The following COL21A1 variants were observed in gnomAD, a reference collection of about 807,000 sequenced individuals.
COL21A1 encodes the protein collagen type XXI alpha 1 chain, also known as collagen alpha-1(XXI) chain.
In COL21A1, 149 loss-of-function variants were observed where a neutral mutation model predicts 137.9. The ratio of observed to expected loss-of-function variants is 1.08; its 90% CI spans 0.95 to 1.24. COL21A1 has a LOEUF of 1.24. Among genes scored for constraint, COL21A1 ranks in the 50% most tolerant of loss-of-function variants. COL21A1 has a pLI of 0.00. For synonymous variants in COL21A1, 456 were observed against 391.5 expected (o/e 1.16, Z -1.95); for missense variants, 1,167 against 1,158.4 (o/e 1.01, Z -0.11).
intron 1 of COL21A1, among the ~76,000 whole-genome samples, chr6:56,228,209 T>C (rs946765155): frequency 1.3e-5 from 2 of 151,898 alleles, no homozygotes; most frequent in African/African-American, 4.8e-5. Flanking sequence ...AAACATATTC[T>C]TGTTCACATT....
Position 56,180,073 on chromosome 6 carries a change from C to G in COL21A1, c.145G>C (p.Gly49Arg). The stretch of plus-strand genomic sequence containing the variant: ...TTCACTATTTCAAAGTTTTCTGGGC[C>G]AACACTATAAGAGCCATCTAAGATG... Reference protein sequence around the residue: ...VFILDGSYSVGPENFEIVKKW... With the variant: ...VFILDGSYSVRPENFEIVKKW... The change falls in exon 3 of 30, where the codon GGC becomes CGC. Residue 49 changes from glycine to arginine, a missense_variant. Transcript: ENST00000244728. 6.2e-7 allele frequency: 1 copy of G among 1,613,594 alleles called. No homozygotes were observed. The highest frequency in any genetic ancestry group is 1.6e-4 in the Middle Eastern group (1 of 6,062).
intron 3 of COL21A1, among the ~76,000 whole-genome samples, chr6:56,176,635 G>A: frequency 6.7e-6 from 1 of 149,848 alleles, no homozygotes; most frequent in South Asian, 2.1e-4. Context: ...AAAAGAGGGA[G>A]GGGGGGAAGG....
chr6:56,089,939 A>G (rs1768635389), intron 17 of COL21A1, among the ~76,000 whole-genome samples: 1 of 152,212 alleles, frequency 6.6e-6, no homozygotes, highest in African/African-American at 2.4e-5. Flanking sequence ...TCTTACAATA[A>G]CAATAATTTA....
intron 1 of COL21A1, among the ~76,000 whole-genome samples, chr6:56,226,477 AT>A (rs1671430110): frequency 6.6e-6 from 1 of 152,052 alleles, no homozygotes; most frequent in African/African-American, 2.4e-5. Context: ...TTATATCAAT[AT>A]AAAATAAACC....
intron 1 of COL21A1, among the ~76,000 whole-genome samples, chr6:56,380,471 C>T (rs1399738297): frequency 6.6e-6 from 1 of 152,160 alleles, no homozygotes; most frequent in Non-Finnish European, 1.5e-5. Flanking sequence ...AATTGATCCT[C>T]ATTATTCATG....
intron 1 of COL21A1, among the ~76,000 whole-genome samples, chr6:56,243,729 A>T (rs1368807813): frequency 6.6e-6 from 1 of 152,190 alleles, no homozygotes; most frequent in Non-Finnish European, 1.5e-5. Context: ...AGCAAAAGTG[A>T]TTATGTAACT....
chr6:56,334,225 G>A (rs1489118264), intron 1 of COL21A1, among the ~76,000 whole-genome samples: 1 of 152,088 alleles, frequency 6.6e-6, no homozygotes, highest in Non-Finnish European at 1.5e-5. Flanking sequence ...GAAACATGGT[G>A]TCAAAGTAGG....
chr6:56,094,713 G>C (rs1248965640), intron 17 of COL21A1, among the ~76,000 whole-genome samples: 1 of 152,180 alleles, frequency 6.6e-6, no homozygotes, highest in East Asian at 1.9e-4. Context: ...TTGTTGCAAA[G>C]TATTGGTTTA....
chr6:56,340,880 C>A (rs938981272), intron 1 of COL21A1, among the ~76,000 whole-genome samples: 7 of 152,176 alleles, frequency 4.6e-5, no homozygotes, highest in African/African-American at 1.4e-4. Flanking sequence ...TGTTCTCTGT[C>A]AGCCCAAGGT....
chr6:56,214,998 C>T (rs575668055), intron 1 of COL21A1, among the ~76,000 whole-genome samples: 1 of 152,058 alleles, frequency 6.6e-6, no homozygotes, highest in African/African-American at 2.4e-5. Flanking sequence ...TTGGTCAGCT[C>T]TTCATCACAT....
rs377754906 is a variant in COL21A1 at position 56,195,737 on chromosome 6, AC to A, written c.-38-13082del. 5.1e-3 allele frequency among the ~76,000 whole-genome samples: 770 copies of A among 152,296 alleles called. 8 individuals carry two copies. The highest frequency in any genetic ancestry group is 0.018 in the African/African-American group (736 of 41,582). ...ACTAGTAAAGAGATTAAATCAGTAA[AC>A]AAAACCTCCCAACAGAAAAGGTCCA... On this transcript the variant is annotated intron_variant, in intron 1 of 29. Coordinates refer to ENST00000244728, the MANE Select transcript of COL21A1 (RefSeq NM_030820.4).
intron 1 of COL21A1, among the ~76,000 whole-genome samples, chr6:56,230,186 T>C (rs1393056518): frequency 2.0e-5 from 3 of 151,996 alleles, no homozygotes; most frequent in Non-Finnish European, 4.4e-5. Context: ...CTAAGCCAGA[T>C]ATATGGAAAC....
Position 56,124,650 on chromosome 6 carries a change from G to C in COL21A1, c.1651-358C>G, listed in dbSNP as rs150921805. On this transcript the variant is annotated intron_variant, in intron 14 of 29. Transcript: ENST00000244728. ...ATGTTTTTTGTTTGTTTGTTTGTTTGTTTGTTTTTGAGACGGAGTCTCACT... is the reference window on the plus strand; with the variant it reads ...ATGTTTTTTGTTTGTTTGTTTGTTTCTTTGTTTTTGAGACGGAGTCTCACT... Among the ~76,000 whole-genome samples the C allele has an allele frequency of 1.7e-3, 251 of 152,064 alleles. 2 individuals carry two copies. Among genetic ancestry groups the C allele is most frequent in the African/African-American group, 5.8e-3 (239 of 41,492 alleles).
chr6:56,124,294 T>C lies in COL21A1; in HGVS notation c.1651-2A>G, dbSNP rs770252000. Reference sequence around the variant, plus strand: ...ATTCCCCTTTTCACCTTTTGCACCCTGTATCGAAAACAAACACTTAAAACA... The same window carrying C: ...ATTCCCCTTTTCACCTTTTGCACCCCGTATCGAAAACAAACACTTAAAACA... On this transcript the variant is annotated splice_acceptor_variant, in intron 14 of 29. Transcript: ENST00000244728. LOFTEE classifies it high-confidence loss of function. 6.3e-7 allele frequency: 1 copy of C among 1,599,810 alleles called. No homozygotes were observed. Among genetic ancestry groups the C allele is most frequent in the South Asian group, 1.1e-5 (1 of 88,276 alleles).
At position 56,060,788 on chromosome 6, in the gene COL21A1, T is replaced by A. The variant is rs553856739; in HGVS notation, c.2360A>T (p.Glu787Val). The A allele has an allele frequency of 3.5e-5, 56 of 1,610,118 alleles. 1 individual carries two copies. The South Asian group carries it at 5.0e-4, about 14-fold the overall frequency. Residue 787 changes from glutamate to valine, a missense_variant, in exon 27 of 30, where the codon GAG (glutamate) becomes GTG (valine). Physicochemically the swap from Glu to Val is moderately radical, Grantham distance 121 (BLOSUM62 -2). Coordinates refer to ENST00000244728, the MANE Select transcript of COL21A1 (RefSeq NM_030820.4). The stretch of plus-strand genomic sequence containing the variant: ...TTGTCGAATAAATTGTTCTGAAAAC[T>A]CTCTTCCCTGCATCAAAGTGTTAGG... ...PPGLDGKPGR[E>V]FSEQFIRQVC... is the part of the protein sequence containing the mutation.
At chr6:56,066,418 TC>T (rs1425259845) in intron 23 of COL21A1, among the ~76,000 whole-genome samples, 1 of 151,920 alleles carries the variant, frequency 6.6e-6, no homozygotes, top group Non-Finnish European at 1.5e-5. Context: ...CATTCAGAAT[TC>T]TACATTTGTG....
At chr6:56,154,080 T>TG (rs1775541011) in intron 10 of COL21A1, among the ~76,000 whole-genome samples, 2 of 152,196 alleles carry the variant, frequency 1.3e-5, no homozygotes, top group African/African-American at 4.8e-5. Context: ...TAATAATATG[T>TG]GGGGCTTTAA....
intron 1 of COL21A1, among the ~76,000 whole-genome samples, chr6:56,385,629 C>T (rs576344079): frequency 6.6e-6 from 1 of 152,196 alleles, no homozygotes; most frequent in Non-Finnish European, 1.5e-5. Flanking sequence ...TATAGTACAT[C>T]CACAGTGTTG....
intron 1 of COL21A1, among the ~76,000 whole-genome samples, chr6:56,202,730 T>C (rs1779494655): frequency 6.6e-6 from 1 of 152,266 alleles, no homozygotes; most frequent in Non-Finnish European, 1.5e-5. Flanking sequence ...TTACATAATA[T>C]CCGTCAAAAC....
Sources: allele counts gnomAD v4.1 joint callset (sites outside exome capture counted in the v4.1 genomes callset), GRCh38; gene constraint gnomAD v4.1.1; transcripts MANE v1.5; gene names NCBI Gene and HGNC (gene_info 2026-07-23, HGNC 2026-07-21).